Variants in CBX3 observed in about 807,000 individuals in gnomAD.
CBX3 encodes the protein chromobox 3.
Under a neutral mutation model 22.6 loss-of-function variants are expected in CBX3, and 5 were observed. The observed-to-expected ratio is 0.22, with a 90% CI of 0.12 to 0.47. The LOEUF (loss-of-function observed/expected upper bound fraction) is 0.47, where lower values mean the gene tolerates loss of function less well. Ranked by LOEUF, CBX3 falls within the 20% of genes least tolerant of loss-of-function variation. The pLI, the probability that CBX3 is intolerant of heterozygous loss-of-function variation, is 0.99. For synonymous variants in CBX3, 50 were observed against 66.6 expected, an observed-to-expected ratio of 0.75 and a Z score of 1.21; for missense variants, 83 against 208.1, an observed-to-expected ratio of 0.40 and a Z score of 3.70.
chr7:26,211,639 A>G (rs1554340565), intron 4 of CBX3, 23 bp from the exon 5 acceptor site: 11 of 1,493,598 alleles, frequency 7.4e-6, no homozygotes, highest in Non-Finnish European at 1.0e-5. Flanking sequence ...AGTTTGCTGT[A>G]TGAAAAAATG....
intron 4 of CBX3, among the ~76,000 whole-genome samples, chr7:26,211,078 TA>T (rs74744309): frequency 0.08 from 8,503 of 106,668 alleles, 623 homozygotes; most frequent in East Asian, 0.44. Context: ...GCTGATGAGC[TA>T]AAAAAAAAAA....
intron 3 of CBX3, among the ~76,000 whole-genome samples, chr7:26,207,349 T>TA (rs1491175537): frequency 6.6e-6 from 1 of 152,188 alleles, no homozygotes; most frequent in Admixed American, 6.5e-5. Context: ...TTAAATTAAG[T>TA]ATGTGTCGTA....
intron 4 of CBX3, among the ~76,000 whole-genome samples, chr7:26,209,186 C>CA (rs1784750433): frequency 6.6e-6 from 1 of 152,024 alleles, no homozygotes; most frequent in Admixed American, 6.6e-5. Context: ...GGATTACAGG[C>CA]GTGAACCACC....
chr7:26,203,116 A>G (rs1784589640), intron 2 of CBX3, 94 bp downstream of exon 2: 3 of 736,146 alleles, frequency 4.1e-6, no homozygotes, highest in Middle Eastern at 8.3e-4. Context: ...AGAAATTTAC[A>G]TCCACATATT....
chr7:26,206,187 A>G (rs1784671457), intron 2 of CBX3, 181 bp from the exon 3 acceptor site: 1 of 548,102 alleles, frequency 1.8e-6, no homozygotes, highest in Non-Finnish European at 3.2e-6. Flanking sequence ...TAAATGAACA[A>G]GATAAAGCAT....
chr7:26,202,000 C>T (rs918542992), intron 1 of CBX3, 174 bp downstream of exon 1: 2 of 151,828 alleles, frequency 1.3e-5, no homozygotes, highest in Non-Finnish European at 2.9e-5. Flanking sequence ...TGGCCTGGCG[C>T]GCGGCCAGCG....
chr7:26,208,850 C>G (rs1031855646), intron 4 of CBX3, among the ~76,000 whole-genome samples: 1 of 149,052 alleles, frequency 6.7e-6, no homozygotes, highest in South Asian at 2.1e-4. Context: ...GAACTCCTGA[C>G]CTCATGATCC....
At chr7:26,209,126 CA>C in intron 4 of CBX3, among the ~76,000 whole-genome samples, 1 of 150,188 alleles carries the variant, frequency 6.7e-6, no homozygotes, top group Non-Finnish European at 1.5e-5. Flanking sequence ...AGACTGATCT[CA>C]AACTCCTGAC....
At chr7:26,203,245 A>C (rs1562742803) in intron 2 of CBX3, among the ~76,000 whole-genome samples, 1 of 152,260 alleles carries the variant, frequency 6.6e-6, no homozygotes, top group Admixed American at 6.5e-5. Flanking sequence ...TAATCTTTGA[A>C]GGACAGTGCA....
At chr7:26,205,491 T>C (rs983770296) in intron 2 of CBX3, among the ~76,000 whole-genome samples, 2 of 152,362 alleles carry the variant, frequency 1.3e-5, no homozygotes, top group Admixed American at 1.3e-4. Flanking sequence ...AATAATCTTG[T>C]CCTTTAATTG....
intron 4 of CBX3, among the ~76,000 whole-genome samples, chr7:26,209,700 T>C (rs1784761796): frequency 6.6e-6 from 1 of 152,236 alleles, no homozygotes; most frequent in Non-Finnish European, 1.5e-5. Flanking sequence ...GCTTTACTTA[T>C]GTCTCTGTGG....
chr7:26,207,710 G>C (rs1784710773), intron 3 of CBX3, among the ~76,000 whole-genome samples: 1 of 152,054 alleles, frequency 6.6e-6, no homozygotes, highest in South Asian at 2.1e-4. Context: ...CAGAGACCGG[G>C]TTTCACCATG....
chr7:26,202,336 T>C (rs894538239), intron 1 of CBX3: 2 of 152,254 alleles, frequency 1.3e-5, no homozygotes, highest in African/African-American at 4.8e-5. Flanking sequence ...GCGGCCTTTG[T>C]TTCTCCCCGC....
At chr7:26,204,531 T>G (rs1784631607) in intron 2 of CBX3, among the ~76,000 whole-genome samples, 1 of 152,148 alleles carries the variant, frequency 6.6e-6, no homozygotes, top group African/African-American at 2.4e-5. Context: ...TTGCTGCATG[T>G]TTTTGTATTT....
intron 4 of CBX3, among the ~76,000 whole-genome samples, chr7:26,209,061 C>G (rs971761432): frequency 1.3e-5 from 2 of 150,162 alleles, no homozygotes; most frequent in African/African-American, 4.9e-5. Flanking sequence ...CGTGTACCAC[C>G]ACACCCAGCT....
At chr7:26,208,334 A>G (rs986390941) in intron 3 of CBX3, 59 bp from the exon 4 acceptor site, 1 of 1,355,682 alleles carries the variant, frequency 7.4e-7, no homozygotes, top group African/African-American at 1.5e-5. Flanking sequence ...GATCTGGATA[A>G]TGGTGATGAA....
In CBX3 at chr7:26,206,401, A is replaced by G; in HGVS notation, c.58A>G (p.Lys20Glu). The G allele has an allele frequency of 6.2e-7, 1 of 1,612,474 alleles. No homozygotes were observed. The highest frequency in any genetic ancestry group is 8.5e-7 in the Non-Finnish European group (1 of 1,179,242). ...GGGAAAAAAACAGAATGGAAAGAGTAAAAAAGTTGAAGAGGCAGAGCCTGA... is the reference window on the plus strand; with the variant it reads ...GGGAAAAAAACAGAATGGAAAGAGTGAAAAAGTTGAAGAGGCAGAGCCTGA... ...KMGKKQNGKS[K>E]KVEEAEPEEF... Residue 20 changes from lysine (K) to glutamate (E), a missense_variant, in exon 3 of 6, where the codon AAA becomes GAA. Around this residue, in one of 3 missense-constraint regions of CBX3, gnomAD observed 24 missense variants for 25.1 expected, o/e 0.96. Coordinates refer to ENST00000396386, the MANE Select transcript of CBX3 (RefSeq NM_016587.4).
rs373816861 is a variant in CBX3 at position 26,203,041 on chromosome 7, A to G, written c.24+19A>G. ...TACATTGGTAAGTTAATGAAAACCT[A>G]AAATATGTAAGGATTTAACTCAAGT... On this transcript the variant is annotated intron_variant, in intron 2 of 5. Coordinates refer to ENST00000396386, the MANE Select transcript of CBX3 (RefSeq NM_016587.4). 4 of 1,489,072 alleles carry G rather than the reference A, an allele frequency of 2.7e-6. No homozygotes were observed. The highest frequency in any genetic ancestry group is 1.4e-5 in the African/African-American group (1 of 69,506). The allele number at this position is 1,489,072 out of a possible 1,614,324, so 92.2% of individuals were successfully genotyped here.
upstream of CBX3, chr7:26,201,672 T>C (rs1562737581): frequency 7.4e-6 from 1 of 135,490 alleles, no homozygotes; most frequent in African/African-American, 2.8e-5. Flanking sequence ...GCCCCGCCCT[T>C]CGTGGCCGCC....
Sources: gnomAD v4.1 joint callset for allele counts (sites outside exome capture counted in the v4.1 genomes callset) on GRCh38, gnomAD v4.1.1 for gene constraint, gnomAD v4.1.1 regional missense constraint, MANE v1.5 for transcripts, NCBI Gene and HGNC (gene_info 2026-07-23, HGNC 2026-07-21) for gene names.